The following NTNG2 variants were observed in gnomAD, a reference collection of about 807,000 sequenced individuals.
NTNG2 encodes the protein netrin G2, also known as netrin-G2.
A neutral mutation model predicts 47.6 loss-of-function variants in NTNG2; 15 were observed. That is an observed-to-expected ratio of 0.32 (90% CI 0.21 to 0.49). NTNG2 has a LOEUF of 0.49. Among genes scored for constraint, NTNG2 ranks in the 20% least tolerant of loss-of-function variants. NTNG2 has a pLI of 0.99. For missense variants in NTNG2, 578 were observed against 764.6 expected, an observed-to-expected ratio of 0.76 and a Z score of 2.88; for synonymous variants, 307 against 324.6, an observed-to-expected ratio of 0.95 and a Z score of 0.58.
At chr9:132,196,216 G>A (rs1838303807) in intron 2 of NTNG2, among the ~76,000 whole-genome samples, 1 of 152,154 alleles carries the variant, frequency 6.6e-6, no homozygotes, top group Admixed American at 6.5e-5. Context: ...TTGATACGGA[G>A]TTTCACTCTT....
chr9:132,241,388 T>A (rs2131059194), intron 7 of NTNG2: 1 of 363,918 alleles, frequency 2.7e-6, no homozygotes, highest in East Asian at 6.1e-5. Context: ...GCTGCTGAGG[T>A]CCGGGGCCGG....
Position 132,221,322 on chromosome 9 carries a change from G to A in NTNG2, c.858-5527G>A, listed in dbSNP as rs918285892. ...TGCTGGACAGAGACATGGAGAGAGAGACAAAGAGACAGGAGAAGACGGAGA... is the reference window on the plus strand; with the variant it reads ...TGCTGGACAGAGACATGGAGAGAGAAACAAAGAGACAGGAGAAGACGGAGA... On this transcript the variant is annotated intron_variant, in intron 3 of 7. Transcript: ENST00000393229. The surrounding 1 kb of genome is among the most constrained non-coding windows in gnomAD (Gnocchi z 4.2). 2.0e-4 allele frequency among the ~76,000 whole-genome samples: 30 copies of A among 152,264 alleles called. No individual in the cohort carries two copies. Among genetic ancestry groups the A allele is most frequent in the African/African-American group, 7.0e-4 (29 of 41,550 alleles).
In NTNG2 at chr9:132,182,934, CCAG is replaced by C. The variant is rs1837059792; in HGVS notation, c.214-15028_214-15026del. ...AGCTTCAGCAGCCTCTCTGGGCGGC[CCAG>C]CAGGAGGAGGCATTAAACCTCCCCA... On this transcript the variant is annotated intron_variant, in intron 2 of 7. Coordinates refer to ENST00000393229, the MANE Select transcript of NTNG2 (RefSeq NM_032536.4). The surrounding 1 kb of genome is among the most constrained non-coding windows in gnomAD (Gnocchi z 4.2). 6.6e-6 allele frequency among the ~76,000 whole-genome samples: 1 copy of C among 152,144 alleles called. No homozygotes were observed. The highest frequency in any genetic ancestry group is 6.5e-5 in the Admixed American group (1 of 15,280).
chr9:132,201,658 C>T (rs1282826481), intron 3 of NTNG2, among the ~76,000 whole-genome samples: 1 of 152,214 alleles, frequency 6.6e-6, no homozygotes, highest in Admixed American at 6.5e-5. Context: ...CCATGTTGCC[C>T]AGTGGCTCCG....
rs576663280 is a variant in NTNG2, at chr9:132,231,412, G to A, written c.1054+817G>A. ...CCCCAAATCTCAGAGATGCTTCTGG[G>A]GTGCACCGTCACCCTCCACCAGGGC... On this transcript the variant is annotated intron_variant, in intron 5 of 7. Coordinates refer to ENST00000393229, the MANE Select transcript of NTNG2 (RefSeq NM_032536.4). The surrounding 1 kb of genome is among the most constrained non-coding windows in gnomAD (Gnocchi z 4.1). 1,295 of 449,090 alleles carry A rather than the reference G, an allele frequency of 2.9e-3. 4 individuals carry two copies. Among genetic ancestry groups the A allele is most frequent in the Non-Finnish European group, 4.3e-3 (968 of 222,592 alleles). The allele number at this position is 449,090 out of a possible 1,614,324, so 27.8% of individuals were successfully genotyped here.
intron 3 of NTNG2, among the ~76,000 whole-genome samples, chr9:132,217,619 A>G (rs917062135): frequency 6.6e-6 from 1 of 152,214 alleles, no homozygotes; most frequent in Non-Finnish European, 1.5e-5. Flanking sequence ...CCCTGGCTCT[A>G]GGAGCTCCTG....
rs149810168 is a variant in NTNG2, at chr9:132,208,967, G to A, written c.857+10358G>A. Among the ~76,000 whole-genome samples, 122 of 152,222 alleles carry A rather than the reference G, an allele frequency of 8.0e-4. 1 individual carries two copies. The highest frequency in any genetic ancestry group is 2.9e-3 in the African/African-American group (119 of 41,528). On this transcript the variant is annotated intron_variant, in intron 3 of 7. Coordinates refer to ENST00000393229, the MANE Select transcript of NTNG2 (RefSeq NM_032536.4). This position sits in a 1 kb window ranked among gnomAD's most constrained non-coding sequence, Gnocchi z 4.0. ...GTGGCTTTTTCAAGGGGTCTCCTTC[G>A]TTCTCACTGTGCCTCTGAGGCTTAT...
At chr9:132,201,595 C>G (rs973810077) in intron 3 of NTNG2, among the ~76,000 whole-genome samples, 2 of 152,162 alleles carry the variant, frequency 1.3e-5, no homozygotes, top group Non-Finnish European at 2.9e-5. Flanking sequence ...TTCCCAGGCT[C>G]TGGGATTTTA....
chr9:132,234,763 G>A (rs771390002), intron 5 of NTNG2, among the ~76,000 whole-genome samples: 1 of 152,234 alleles, frequency 6.6e-6, no homozygotes, highest in Admixed American at 6.5e-5. Context: ...CTCTAATTAA[G>A]CCCTTGCCAA....
chr9:132,217,788 G>A (rs1840087429), intron 3 of NTNG2, among the ~76,000 whole-genome samples: 1 of 152,176 alleles, frequency 6.6e-6, no homozygotes, highest in African/African-American at 2.4e-5. Flanking sequence ...GTGAAATTCA[G>A]CAACTTTCCT....
intron 3 of NTNG2, among the ~76,000 whole-genome samples, chr9:132,209,157 T>G (rs1839395854): frequency 6.6e-6 from 1 of 152,150 alleles, no homozygotes; most frequent in Non-Finnish European, 1.5e-5. Flanking sequence ...GTGGAAAGGT[T>G]TTTGGGTGAA....
rs1840757705 is a variant in NTNG2, at chr9:132,226,365, C to T, written c.858-484C>T. ...TTGCCCTCAAGGGCGTGGCTGTGGG[C>T]CACAACCTGACAGCAGAGGTCCAGC... On this transcript the variant is annotated intron_variant, in intron 3 of 7. Transcript: ENST00000393229. This position sits in a 1 kb window ranked among gnomAD's most constrained non-coding sequence, Gnocchi z 4.8. Among the ~76,000 whole-genome samples the T allele has an allele frequency of 1.3e-5, 2 of 152,194 alleles. No individual in the cohort carries two copies. Among genetic ancestry groups the T allele is most frequent in the African/African-American group, 4.8e-5 (2 of 41,442 alleles).
intron 3 of NTNG2, among the ~76,000 whole-genome samples, chr9:132,220,295 CT>C (rs1840267382): frequency 1.3e-5 from 2 of 152,076 alleles, no homozygotes; most frequent in Non-Finnish European, 2.9e-5. Flanking sequence ...TGTGGGTTGT[CT>C]TTTCACTTTC....
chr9:132,199,128 A>G (rs1335135122), intron 3 of NTNG2, among the ~76,000 whole-genome samples: 1 of 152,116 alleles, frequency 6.6e-6, no homozygotes, highest in Non-Finnish European at 1.5e-5. Context: ...GAAGGTGCAC[A>G]TGTCGGAGGA....
At chr9:132,201,115 C>T (rs1221635268) in intron 3 of NTNG2, among the ~76,000 whole-genome samples, 1 of 152,250 alleles carries the variant, frequency 6.6e-6, no homozygotes, top group African/African-American at 2.4e-5. Context: ...ATGTGGGGCC[C>T]TCATGTCTGG....
rs754846133 is a variant in NTNG2, at chr9:132,166,782, G to A, written c.-50G>A. ...GCCGCGAGTCCCGCCTGACCCCGTC[G>A]CTGCCTCTCCAGGGCTTCTCTGGGC... On this transcript the variant is annotated 5_prime_UTR_variant, in exon 2 of 8. Coordinates refer to ENST00000393229, the MANE Select transcript of NTNG2 (RefSeq NM_032536.4). The A allele has an allele frequency of 4.9e-5, 77 of 1,577,622 alleles. No individual in the cohort carries two copies. Among genetic ancestry groups the A allele is most frequent in the Admixed American group, 6.7e-5 (4 of 59,886 alleles).
intron 2 of NTNG2, among the ~76,000 whole-genome samples, chr9:132,187,623 G>T (rs1435051364): frequency 6.8e-6 from 1 of 147,162 alleles, no homozygotes; most frequent in Non-Finnish European, 1.5e-5. Context: ...GGGAGGGAGG[G>T]AGGGAGAGCT....
In NTNG2 at chr9:132,242,170, G is replaced by A; in HGVS notation, c.*59G>A. ...GCCGGGGGTCCCGGGGTCCCGGGGC[G>A]GGGCCGGCGTCCGAGGCCGGGCGGT... On this transcript the variant is annotated 3_prime_UTR_variant, in exon 8 of 8. Coordinates refer to ENST00000393229, the MANE Select transcript of NTNG2 (RefSeq NM_032536.4). This position sits in a 1 kb window ranked among gnomAD's most constrained non-coding sequence, Gnocchi z 5.9. 2.2e-6 allele frequency: 2 copies of A among 889,800 alleles called. No individual in the cohort carries two copies. Among genetic ancestry groups the A allele is most frequent in the Non-Finnish European group, 1.4e-6 (1 of 721,888 alleles). The allele number at this position is 889,800 out of a possible 1,614,324, so 55.1% of individuals were successfully genotyped here.
At chr9:132,196,484 G>A (rs899233997) in intron 2 of NTNG2, among the ~76,000 whole-genome samples, 59 of 152,144 alleles carry the variant, frequency 3.9e-4, no homozygotes, top group Admixed American at 1.3e-4. Context: ...GAGCCACCGC[G>A]CCCAGCCTGG....
Sources: allele counts gnomAD v4.1 joint callset (sites outside exome capture counted in the v4.1 genomes callset), GRCh38; gene constraint gnomAD v4.1.1; non-coding constraint Gnocchi (gnomAD v3.1); transcripts MANE v1.5; gene names NCBI Gene and HGNC (gene_info 2026-07-23, HGNC 2026-07-21).